Variants in NTRK1 observed in about 807,000 individuals in gnomAD.
NTRK1 encodes the protein high affinity nerve growth factor receptor.
NTRK1 carries 62 observed loss-of-function variants against 86.8 expected under a neutral mutation model. That is an observed-to-expected ratio of 0.71 (90% CI 0.58 to 0.88). The LOEUF (loss-of-function observed/expected upper bound fraction) is 0.88, where lower values mean the gene tolerates loss of function less well. NTRK1 is among the 40% of genes least tolerant of loss of function. The pLI is 0.00. For missense variants in NTRK1, 967 were observed against 1,078.4 expected, an observed-to-expected ratio of 0.90 and a Z score of 1.45; for synonymous variants, 469 against 456.6, an observed-to-expected ratio of 1.03 and a Z score of -0.35.
chr1:156,852,048 C>G (rs1655233962), intron 2 of NTRK1: 2 of 1,613,516 alleles, frequency 1.2e-6, no homozygotes, highest in Admixed American at 3.3e-5. Context: ...GGCGGGCAGG[C>G]CCACAGGCAG....
intron 1 of NTRK1, 142 bp from the exon 2 acceptor site, chr1:156,864,212 T>G: frequency 1.3e-6 from 1 of 759,194 alleles, no homozygotes; most frequent in African/African-American, 1.7e-5. Flanking sequence ...TGCACGCCTG[T>G]GTAAGTGTGT....
upstream of NTRK1, chr1:156,860,686 C>CG: frequency 3.4e-6 from 2 of 580,446 alleles, no homozygotes; most frequent in Non-Finnish European, 5.4e-6. Context: ...GGAGCTGAGG[C>CG]GGATCCTCGG....
chr1:156,819,709 G>A (rs2102831772), intron 1 of NTRK1, among the ~76,000 whole-genome samples: 1 of 151,836 alleles, frequency 6.6e-6, no homozygotes, highest in African/African-American at 2.4e-5. Context: ...AGTAGAGATG[G>A]GGTTTCTCCA....
intron 1 of NTRK1, among the ~76,000 whole-genome samples, chr1:156,822,324 A>G (rs897845367): frequency 6.6e-6 from 1 of 152,138 alleles, no homozygotes; most frequent in Non-Finnish European, 1.5e-5. Flanking sequence ...GGTAGTCAAG[A>G]GTGTTTTTCT....
At chr1:156,846,818 C>T in intron 2 of NTRK1, 1 of 1,359,480 alleles carries the variant, frequency 7.4e-7, no homozygotes, top group South Asian at 1.2e-5. Flanking sequence ...TCTGGCACCC[C>T]CGCTCTGAAT....
At chr1:156,855,176 T>TTACCTATCTATCTATC (rs1655362894) in intron 2 of NTRK1, among the ~76,000 whole-genome samples, 1 of 143,462 alleles carries the variant, frequency 7.0e-6, no homozygotes, top group African/African-American at 2.6e-5. Context: ...CCATCCAATT[T>TTACCTATCTATCTATC]TATCTATCTA....
chr1:156,872,143 C>T (rs1350840970), intron 7 of NTRK1, among the ~76,000 whole-genome samples: 4 of 152,194 alleles, frequency 2.6e-5, no homozygotes, highest in Non-Finnish European at 4.4e-5. Context: ...TGCCTAATTT[C>T]TCTAGATCAG....
At chr1:156,856,535 G>C (rs997404232), upstream of NTRK1, among the ~76,000 whole-genome samples, 3 of 152,134 alleles carry the variant, frequency 2.0e-5, no homozygotes, top group African/African-American at 7.2e-5. Flanking sequence ...TCAGCCTCTC[G>C]GGTCAGACCT....
At chr1:156,842,008 G>T in intron 1 of NTRK1, 1 of 1,581,758 alleles carries the variant, frequency 6.3e-7, no homozygotes, top group Non-Finnish European at 8.6e-7. Flanking sequence ...CTTGCCAAGG[G>T]TCTCACAGGC....
intron 2 of NTRK1, chr1:156,846,853 C>G: frequency 9.8e-7 from 1 of 1,023,632 alleles, no homozygotes; most frequent in Admixed American, 1.8e-5. Flanking sequence ...CATTGTCCTT[C>G]CAGTATGCAT....
At chr1:156,823,279 G>A (rs961154015) in intron 1 of NTRK1, among the ~76,000 whole-genome samples, 38 of 152,182 alleles carry the variant, frequency 2.5e-4, no homozygotes, top group Non-Finnish European at 1.0e-4. Flanking sequence ...ACCACATCCA[G>A]TTCAGTTTCA....
chr1:156,845,505 C>A, intron 2 of NTRK1: 1 of 1,491,346 alleles, frequency 6.7e-7, no homozygotes, highest in South Asian at 1.4e-5. Context: ...ACCCACAACC[C>A]GGGACCCGCC....
chr1:156,839,183 T>A (rs186279347), intron 1 of NTRK1, among the ~76,000 whole-genome samples: 48 of 152,352 alleles, frequency 3.2e-4, no homozygotes, highest in Non-Finnish European at 5.7e-4. Context: ...GTAGTTGTTG[T>A]CATAGAGACG....
chr1:156,879,410 A>G, intron 15 of NTRK1, 48 bp downstream of exon 15: 1 of 1,568,470 alleles, frequency 6.4e-7, no homozygotes, highest in South Asian at 1.2e-5. Flanking sequence ...CAAACTGTAG[A>G]CACCCTGGAT....
chr1:156,845,233 G>A (rs748185130), intron 2 of NTRK1: 9 of 1,610,200 alleles, frequency 5.6e-6, no homozygotes, highest in South Asian at 4.4e-5. Flanking sequence ...CCTGGATCTC[G>A]AAATCCGAGC....
chr1:156,817,047 T>TTCTCTATCTCTCTCTCTCTC (rs1553256343), intron 1 of NTRK1, among the ~76,000 whole-genome samples: 1 of 113,782 alleles, frequency 8.8e-6, no homozygotes, highest in Admixed American at 9.6e-5. Flanking sequence ...GAACTTCCCT[T>TTCTCTATCTCTCTCTCTCTC]TCTCTCTCTC....
intron 1 of NTRK1, among the ~76,000 whole-genome samples, chr1:156,863,412 G>GTCTC (rs150031107): frequency 1.0e-4 from 15 of 149,464 alleles, no homozygotes; most frequent in South Asian, 2.1e-4. Context: ...CCATCTTTCT[G>GTCTC]TCTCTCTCTC....
At chr1:156,842,595 C>T in intron 2 of NTRK1, 1 of 957,942 alleles carries the variant, frequency 1.0e-6, no homozygotes, top group South Asian at 1.4e-5. Context: ...CACAGTCTGA[C>T]TCAGACACCA....
intron 1 of NTRK1, among the ~76,000 whole-genome samples, chr1:156,821,172 C>A (rs1654177925): frequency 6.6e-6 from 1 of 152,112 alleles, no homozygotes; most frequent in Non-Finnish European, 1.5e-5. Context: ...GCATTACTGA[C>A]TTGTGTACAC....
Sources: gnomAD v4.1 joint callset for allele counts (sites outside exome capture counted in the v4.1 genomes callset) on GRCh38, gnomAD v4.1.1 for gene constraint, MANE v1.5 for transcripts, NCBI Gene and HGNC (gene_info 2026-07-23, HGNC 2026-07-21) for gene names.